The following MAPK10 variants were observed in gnomAD, a reference collection of about 807,000 sequenced individuals.
MAPK10 encodes JNK3 alpha protein kinase.
A neutral mutation model predicts 59.3 loss-of-function variants in MAPK10; 25 were observed. That is an observed-to-expected ratio of 0.42 (90% confidence interval 0.31 to 0.59). The LOEUF (loss-of-function observed/expected upper bound fraction) is 0.59. MAPK10 is among the 20% of genes least tolerant of loss of function. MAPK10 has a pLI of 0.15. For missense variants in MAPK10, 351 were observed against 568.9 expected, an observed-to-expected ratio of 0.62 and a Z score of 3.90; for synonymous variants, 190 against 200.5, an observed-to-expected ratio of 0.95 and a Z score of 0.44.
At chr4:86,408,113 A>C (rs1187020159) in intron 1 of MAPK10, among the ~76,000 whole-genome samples, 1 of 127,302 alleles carries the variant, frequency 7.9e-6, no homozygotes, top group Admixed American at 1.1e-4. Flanking sequence ...ATGTGTTCTC[A>C]TTGTTCAACT....
chr4:86,193,388 A>C (rs2080408756), intron 3 of MAPK10: 1 of 152,142 alleles, frequency 6.6e-6, no homozygotes, highest in African/African-American at 2.4e-5. Context: ...TCCCAGGGAG[A>C]TAGGAGTTTC....
At chr4:86,588,635 T>C (rs899039564) in intron 1 of MAPK10, among the ~76,000 whole-genome samples, 2 of 152,168 alleles carry the variant, frequency 1.3e-5, no homozygotes, top group Non-Finnish European at 2.9e-5. Context: ...GTCATGTATA[T>C]AAATATATGT....
chr4:86,334,826 T>C (rs189230750), intron 2 of MAPK10, among the ~76,000 whole-genome samples: 2 of 152,246 alleles, frequency 1.3e-5, no homozygotes, highest in Admixed American at 1.3e-4. Context: ...TATTGAAGGT[T>C]AGCATGCAAA....
intron 1 of MAPK10, among the ~76,000 whole-genome samples, chr4:86,580,613 T>C (rs1430504954): frequency 6.6e-6 from 1 of 152,226 alleles, no homozygotes; most frequent in South Asian, 2.1e-4. Flanking sequence ...TTAATTTCTC[T>C]ATTTAAAAAA....
chr4:86,150,740 T>C (rs1394431748), intron 4 of MAPK10, among the ~76,000 whole-genome samples: 1 of 152,130 alleles, frequency 6.6e-6, no homozygotes, highest in Admixed American at 6.5e-5. Context: ...TGGGCTCCTG[T>C]AGTCCCAGCT....
At chr4:86,286,185 C>G (rs2095001664) in intron 2 of MAPK10, among the ~76,000 whole-genome samples, 1 of 152,146 alleles carries the variant, frequency 6.6e-6, no homozygotes, top group African/African-American at 2.4e-5. Flanking sequence ...ACCAATAAAT[C>G]AAATAAACTA....
chr4:86,103,842 C>T (rs1561736945), intron 5 of MAPK10, among the ~76,000 whole-genome samples: 1 of 151,478 alleles, frequency 6.6e-6, no homozygotes, highest in Non-Finnish European at 1.5e-5. Context: ...CTTTTTGTTT[C>T]CTGCTTTATT....
chr4:86,072,000 G>A lies in MAPK10; in HGVS notation c.803-4045C>T, dbSNP rs201780251. ...CCTTGGGCAGTATGGCCATTTTCAC[G>A]ATATTGATTCTTCCTACCCATGAGC... On this transcript the variant is annotated intron_variant, in intron 9 of 13. Transcript: ENST00000641462. Among the ~76,000 whole-genome samples the A allele has an allele frequency of 2.0e-3, 261 of 130,948 alleles. 1 individual carries two copies. The East Asian group carries it at 0.045, about 23-fold the overall frequency. 85.9% of individuals were successfully genotyped at this position (130,948 alleles called of 152,430 possible). A position where few individuals can be genotyped will look rare whatever the true frequency, so the allele number is the denominator to read the frequency against.
intron 2 of MAPK10, among the ~76,000 whole-genome samples, chr4:86,204,726 A>G (rs1222534471): frequency 1.4e-4 from 22 of 151,920 alleles, no homozygotes; most frequent in Admixed American, 1.4e-3. Context: ...CTCCAATGAG[A>G]TTACTCTTGT....
At chr4:86,533,515 A>G (rs996504907) in intron 1 of MAPK10, among the ~76,000 whole-genome samples, 2 of 152,238 alleles carry the variant, frequency 1.3e-5, no homozygotes, top group Admixed American at 1.3e-4. Context: ...GATCTCCACC[A>G]GTACCCATCC....
chr4:86,055,987 A>C (rs2044473591), intron 11 of MAPK10, among the ~76,000 whole-genome samples: 1 of 150,184 alleles, frequency 6.7e-6, no homozygotes, highest in South Asian at 2.1e-4. Flanking sequence ...GAAAATCAGG[A>C]AACAAAAACT....
intron 1 of MAPK10, among the ~76,000 whole-genome samples, chr4:86,583,289 C>T (rs748468084): frequency 1.2e-4 from 18 of 152,216 alleles, no homozygotes; most frequent in Non-Finnish European, 2.4e-4. Flanking sequence ...TCCCAAAGTG[C>T]TGGGATTACA....
intron 4 of MAPK10, among the ~76,000 whole-genome samples, chr4:86,108,123 CAT>C (rs143673002): frequency 0.049 from 7,409 of 152,138 alleles, 606 homozygotes; most frequent in African/African-American, 0.17. Flanking sequence ...GTTTTAGAAA[CAT>C]AAATAACTGC....
At chr4:86,023,230 A>T (rs1278475329) in intron 13 of MAPK10, among the ~76,000 whole-genome samples, 4 of 152,198 alleles carry the variant, frequency 2.6e-5, no homozygotes, top group Non-Finnish European at 5.9e-5. Context: ...CCTTATCAGA[A>T]ATCAATTGAT....
chr4:86,481,144 G>A (rs1308991405), intron 1 of MAPK10, among the ~76,000 whole-genome samples: 1 of 152,212 alleles, frequency 6.6e-6, no homozygotes, highest in Non-Finnish European at 1.5e-5. Flanking sequence ...TGGAAGGTTA[G>A]AATGATATTT....
intron 1 of MAPK10, among the ~76,000 whole-genome samples, chr4:86,422,607 G>A (rs1269460497): frequency 2.0e-5 from 3 of 152,108 alleles, no homozygotes; most frequent in Non-Finnish European, 2.9e-5. Context: ...TCCTTACATA[G>A]ATTAACATCA....
chr4:86,102,599 C>CT (rs1307319134), intron 6 of MAPK10: 1 of 153,412 alleles, frequency 6.5e-6, no homozygotes, highest in Non-Finnish European at 1.5e-5. Context: ...CAGCTCACTG[C>CT]AACCTCCGTC....
At chr4:86,271,408 C>T (rs1398335197) in intron 2 of MAPK10, among the ~76,000 whole-genome samples, 1 of 152,000 alleles carries the variant, frequency 6.6e-6, no homozygotes, top group Non-Finnish European at 1.5e-5. Context: ...TTTCTATCAG[C>T]AAATTCAGTT....
chr4:86,151,736 G>A (rs184963434), intron 4 of MAPK10, among the ~76,000 whole-genome samples: 479 of 152,176 alleles, frequency 3.1e-3, no homozygotes, highest in Non-Finnish European at 5.6e-3. Flanking sequence ...AGGGATGAGA[G>A]AAGCAGGGTC....
Sources: allele counts gnomAD v4.1 joint callset (sites outside exome capture counted in the v4.1 genomes callset), GRCh38; gene constraint gnomAD v4.1.1; transcripts MANE v1.5; gene names NCBI Gene and HGNC (gene_info 2026-07-23, HGNC 2026-07-21).